Variants in THSD7B observed in about 807,000 individuals in gnomAD.
The protein encoded by THSD7B is thrombospondin type-1 domain-containing protein 7B.
A neutral mutation model predicts 213.6 loss-of-function variants in THSD7B; 138 were observed. The ratio of observed to expected loss-of-function variants is 0.65; its 90% CI spans 0.56 to 0.74. The LOEUF is 0.74. THSD7B is among the 30% of genes least tolerant of loss of function. THSD7B has a pLI of 0.00. For missense variants in THSD7B, 1,931 were observed against 1,991.5 expected (o/e 0.97, Z 0.58); for synonymous variants, 742 against 687.0 (o/e 1.08, Z -1.25).
At chr2:137,455,548 CA>C (rs1342741942) in intron 15 of THSD7B, among the ~76,000 whole-genome samples, 2 of 152,096 alleles carry the variant, frequency 1.3e-5, no homozygotes, top group East Asian at 3.9e-4. Context: ...CTTTTTAAAC[CA>C]AAACCTATCA....
intron 7 of THSD7B, among the ~76,000 whole-genome samples, chr2:137,210,084 A>T (rs1681067528): frequency 6.6e-6 from 1 of 152,104 alleles, no homozygotes; most frequent in Non-Finnish European, 1.5e-5. Flanking sequence ...GTGAAGACTG[A>T]CACCTTCATC....
At chr2:137,303,042 A>G (rs1165762250) in intron 12 of THSD7B, among the ~76,000 whole-genome samples, 2 of 152,094 alleles carry the variant, frequency 1.3e-5, no homozygotes, top group Non-Finnish European at 2.9e-5. Context: ...TTACTCTGTC[A>G]CCCAGGTTGG....
chr2:137,363,512 G>C (rs1685323500), intron 12 of THSD7B, among the ~76,000 whole-genome samples: 2 of 151,446 alleles, frequency 1.3e-5, no homozygotes, highest in Admixed American at 1.3e-4. Context: ...AAGAAGAAAA[G>C]AGAGAAGAAT....
chr2:137,280,904 A>T (rs893006680), intron 12 of THSD7B, among the ~76,000 whole-genome samples: 4 of 152,114 alleles, frequency 2.6e-5, no homozygotes, highest in Admixed American at 6.6e-5. Flanking sequence ...TTTGCTATCC[A>T]CAGTAACTAT....
rs903840638 is a variant in THSD7B, at chr2:137,587,917, G to C, written c.3423+15361G>C. ...GGTTTCTGCTGCCTTTTGTTGGGCT[G>C]TGCCCTGCCCCCAGAGGTGGAGTCT... is the stretch of plus-strand genomic sequence containing the variant. On this transcript the variant is annotated intron_variant, in intron 17 of 27. Transcript: ENST00000409968. Among the ~76,000 whole-genome samples, 6 of 152,312 alleles carry C rather than the reference G, an allele frequency of 3.9e-5. No individual in the cohort carries two copies. In the East Asian group the frequency reaches 1.2e-3, roughly 29 times the overall value.
intron 2 of THSD7B, among the ~76,000 whole-genome samples, chr2:136,907,175 C>T (rs508695): frequency 0.43 from 64,893 of 151,510 alleles, 15,484 homozygotes; most frequent in Non-Finnish European, 0.55. Flanking sequence ...GAACTCCTGA[C>T]CTCAGGTGAT....
intron 17 of THSD7B, among the ~76,000 whole-genome samples, chr2:137,589,803 A>G (rs889046752): frequency 6.6e-6 from 1 of 152,180 alleles, no homozygotes; most frequent in Non-Finnish European, 1.5e-5. Flanking sequence ...CCACCATTGC[A>G]ATTATATACT....
At chr2:137,241,645 G>A (rs1409031961) in intron 9 of THSD7B, among the ~76,000 whole-genome samples, 2 of 152,000 alleles carry the variant, frequency 1.3e-5, no homozygotes, top group African/African-American at 4.8e-5. Flanking sequence ...GGGCTCGGTG[G>A]CTCACGCCTG....
At chr2:137,673,672 A>C (rs1683630556) in intron 27 of THSD7B, among the ~76,000 whole-genome samples, 1 of 152,206 alleles carries the variant, frequency 6.6e-6, no homozygotes, top group South Asian at 2.1e-4. Flanking sequence ...GGCCTTGCTG[A>C]GTGCAGTCTT....
chr2:137,329,881 A>G (rs1684457708), intron 12 of THSD7B, among the ~76,000 whole-genome samples: 2 of 152,170 alleles, frequency 1.3e-5, no homozygotes, highest in Admixed American at 1.3e-4. Flanking sequence ...CCTTTGTGGC[A>G]GCCCCTGTCA....
chr2:136,972,029 A>C (rs1259008615), intron 2 of THSD7B, among the ~76,000 whole-genome samples: 1 of 152,142 alleles, frequency 6.6e-6, no homozygotes, highest in Non-Finnish European at 1.5e-5. Flanking sequence ...ACCTCTTATA[A>C]TCTAGGAAAC....
At chr2:137,019,724 T>A (rs1173479827) in intron 2 of THSD7B, among the ~76,000 whole-genome samples, 1 of 152,178 alleles carries the variant, frequency 6.6e-6, no homozygotes, top group Non-Finnish European at 1.5e-5. Context: ...TGAGCACCTA[T>A]AATTTATTAT....
intron 2 of THSD7B, among the ~76,000 whole-genome samples, chr2:137,031,598 AT>A (rs1686668462): frequency 6.6e-6 from 1 of 152,192 alleles, no homozygotes; most frequent in African/African-American, 2.4e-5. Flanking sequence ...CATTTAATAT[AT>A]TCAAAAAGAG....
intron 16 of THSD7B, among the ~76,000 whole-genome samples, chr2:137,563,708 G>T (rs1261580795): frequency 6.6e-6 from 1 of 152,220 alleles, no homozygotes; most frequent in East Asian, 1.9e-4. Context: ...ATTATGGTTA[G>T]TATAGTTGAT....
intron 3 of THSD7B, among the ~76,000 whole-genome samples, chr2:137,093,067 C>G (rs780260422): frequency 1.3e-5 from 2 of 152,164 alleles, no homozygotes; most frequent in Non-Finnish European, 2.9e-5. Flanking sequence ...GTATTGGTTG[C>G]CTTTGACTGA....
chr2:137,231,202 A>G lies in THSD7B; in HGVS notation c.1882A>G (p.Arg628Gly), dbSNP rs1045821931. The change falls in exon 8 of 28, where the codon AGG (arginine) becomes GGG (glycine). Residue 628 changes from arginine to glycine, a missense_variant. By Grantham distance (125) the Arg-to-Gly change is moderately radical. Transcript: ENST00000409968. ...SNKNSDGKQT[R>G]SRTILALAGE... ...TAAAAACTCAGATGGGAAACAGACC[A>G]GGTCAAGAACTATCCTGGCACTGGC... The G allele has an allele frequency of 1.2e-6, 2 of 1,612,580 alleles. No individual in the cohort carries two copies. Among genetic ancestry groups the G allele is most frequent in the Non-Finnish European group, 1.7e-6 (2 of 1,179,278 alleles).
intron 15 of THSD7B, among the ~76,000 whole-genome samples, chr2:137,526,497 C>T (rs1392844398): frequency 6.6e-6 from 1 of 152,118 alleles, no homozygotes; most frequent in Non-Finnish European, 1.5e-5. Flanking sequence ...TCTCATCTCA[C>T]TGCAACCTCT....
chr2:137,634,236 G>A (rs77654645), intron 20 of THSD7B, among the ~76,000 whole-genome samples: 1 of 152,114 alleles, frequency 6.6e-6, no homozygotes, highest in African/African-American at 2.4e-5. Context: ...GTTTCTGGGT[G>A]ATCATTTTCT....
intron 10 of THSD7B, among the ~76,000 whole-genome samples, chr2:137,258,935 G>T (rs965691774): frequency 1.3e-5 from 2 of 151,966 alleles, no homozygotes; most frequent in African/African-American, 4.8e-5. Context: ...AACATGCGGT[G>T]TTTGGTCTTC....
Sources: gnomAD v4.1 joint callset for allele counts (sites outside exome capture counted in the v4.1 genomes callset) on GRCh38, gnomAD v4.1.1 for gene constraint, MANE v1.5 for transcripts, NCBI Gene and HGNC (gene_info 2026-07-23, HGNC 2026-07-21) for gene names.